The following CTNND2 variants were observed in gnomAD, a reference collection of about 807,000 sequenced individuals.
The protein encoded by CTNND2 is catenin delta 2.
A neutral mutation model predicts 144.4 loss-of-function variants in CTNND2; 22 were observed. That is an observed-to-expected ratio of 0.15 (90% confidence interval 0.11 to 0.22). The LOEUF (loss-of-function observed/expected upper bound fraction) is 0.22, where lower values mean the gene tolerates loss of function less well. Ranked by LOEUF, CTNND2 falls within the 10% of genes least tolerant of loss-of-function variation. The probability of loss-of-function intolerance (pLI) is 1.00; values close to 1 mark genes in which losing one functional copy is unlikely to be tolerated. For missense variants in CTNND2, 1,353 were observed against 1,618.8 expected (o/e 0.84, Z 2.82); for synonymous variants, 751 against 695.6 (o/e 1.08, Z -1.25).
chr5:11,606,655 G>A (rs981541530), intron 2 of CTNND2, among the ~76,000 whole-genome samples: 4 of 152,164 alleles, frequency 2.6e-5, no homozygotes, highest in African/African-American at 9.7e-5. Flanking sequence ...TGAATGAAGA[G>A]GTGAGGGCTG....
rs1250146867 is a variant in CTNND2 at position 11,041,385 on chromosome 5, A to G, written c.2789-18406T>C. 2.0e-5 allele frequency among the ~76,000 whole-genome samples: 3 copies of G among 152,222 alleles called. No individual in the cohort carries two copies. The East Asian group carries it at 5.8e-4, about 29-fold the overall frequency. On this transcript the variant is annotated intron_variant, in intron 16 of 21. Transcript: ENST00000304623. ...AATTTCCAATTTATCTAGAAGACAAATAGAAGTTAAATGGTATGGGAAAGG... is the reference window on the plus strand; with the variant it reads ...AATTTCCAATTTATCTAGAAGACAAGTAGAAGTTAAATGGTATGGGAAAGG...
chr5:11,068,769 T>A (rs1300346050), intron 16 of CTNND2, among the ~76,000 whole-genome samples: 1 of 151,928 alleles, frequency 6.6e-6, no homozygotes, highest in Non-Finnish European at 1.5e-5. Context: ...GTAAACAAAT[T>A]ATCCGGGCGT....
chr5:11,753,399 A>T (rs1021105333), intron 1 of CTNND2, among the ~76,000 whole-genome samples: 3 of 151,778 alleles, frequency 2.0e-5, no homozygotes, highest in African/African-American at 7.2e-5. Flanking sequence ...ATTTAATTTT[A>T]TTAAAAGCCT....
rs1191716110 is a variant in CTNND2 at position 11,072,525 on chromosome 5, T to TA, written c.2788+10170dup. On this transcript the variant is annotated intron_variant, in intron 16 of 21. Coordinates refer to ENST00000304623, the MANE Select transcript of CTNND2 (RefSeq NM_001332.4). ...GTTTCCCAAATGGACAGTATATTGT[T>TA]ACGAACTTTCTGGTTATGAGAGAAA... Among the ~76,000 whole-genome samples the TA allele has an allele frequency of 7.9e-5, 12 of 152,384 alleles. No homozygotes were observed. The South Asian group carries it at 1.4e-3, about 18-fold the overall frequency.
chr5:10,981,725 C>T (rs1737290324), intron 21 of CTNND2, 48 bp downstream of exon 21: 2 of 1,504,012 alleles, frequency 1.3e-6, no homozygotes, highest in East Asian at 2.3e-5. Context: ...GGTTATTTCA[C>T]ATGAGTCACA....
In CTNND2 at chr5:11,904,097, C is replaced by G; in HGVS notation, c.-244G>C. ...CTCCGAGCTCGGCGAGCGCAGCGCCCCCTGCCCGGCTCCGCGGGCTCCACG... is the reference window on the plus strand; with the variant it reads ...CTCCGAGCTCGGCGAGCGCAGCGCCGCCTGCCCGGCTCCGCGGGCTCCACG... On this transcript the variant is annotated 5_prime_UTR_variant, in exon 1 of 22. Transcript: ENST00000304623. The surrounding 1 kb of genome is among the most constrained non-coding windows in gnomAD (Gnocchi z 4.2). The G allele has an allele frequency of 5.7e-6, 1 of 175,086 alleles. No individual in the cohort carries two copies. The highest frequency in any genetic ancestry group is 1.1e-5 in the Non-Finnish European group (1 of 87,430). The allele number at this position is 175,086 out of a possible 1,614,324, so 10.8% of individuals were successfully genotyped here.
intron 11 of CTNND2, among the ~76,000 whole-genome samples, chr5:11,160,628 T>C (rs899424867): frequency 6.6e-6 from 1 of 152,200 alleles, no homozygotes; most frequent in African/African-American, 2.4e-5. Context: ...GAGAATAACA[T>C]TCTATTTTTC....
chr5:11,275,917 A>G (rs150439421), intron 9 of CTNND2, among the ~76,000 whole-genome samples: 2 of 152,352 alleles, frequency 1.3e-5, no homozygotes, highest in East Asian at 3.9e-4. Context: ...TGAATACCTG[A>G]TTTTAATTCC....
intron 3 of CTNND2, among the ~76,000 whole-genome samples, chr5:11,518,335 TTGTG>T (rs1384429874): frequency 6.6e-6 from 1 of 152,204 alleles, no homozygotes; most frequent in Admixed American, 6.5e-5. Flanking sequence ...GCTGTACAAT[TTGTG>T]TTTTAAGCCA....
In CTNND2 at chr5:11,057,284, A is replaced by G. The variant is rs575566173; in HGVS notation, c.2788+25412T>C. ...ATGGTTTGGCTGTGTCCCCACCCAA[A>G]TCTCATCTTGAATTGTAACTCCCAC... is the stretch of plus-strand genomic sequence containing the variant. On this transcript the variant is annotated intron_variant, in intron 16 of 21. Coordinates refer to ENST00000304623, the MANE Select transcript of CTNND2 (RefSeq NM_001332.4). Among the ~76,000 whole-genome samples, 7 of 152,292 alleles carry G rather than the reference A, an allele frequency of 4.6e-5. No homozygotes were observed. The East Asian group carries it at 1.4e-3, about 29-fold the overall frequency.
At chr5:10,981,448 C>T (rs963783007) in intron 21 of CTNND2, among the ~76,000 whole-genome samples, 1 of 152,096 alleles carries the variant, frequency 6.6e-6, no homozygotes, top group Admixed American at 6.5e-5. Context: ...TAGACAATTC[C>T]TGTTTAGTGA....
intron 1 of CTNND2, among the ~76,000 whole-genome samples, chr5:11,869,286 A>C: frequency 6.6e-6 from 1 of 152,246 alleles, no homozygotes; most frequent in Non-Finnish European, 1.5e-5. Context: ...TGTTCACAGC[A>C]GCATTATTCA....
At chr5:11,244,860 G>T (rs923745132) in intron 9 of CTNND2, among the ~76,000 whole-genome samples, 1 of 152,208 alleles carries the variant, frequency 6.6e-6, no homozygotes, top group East Asian at 1.9e-4. Flanking sequence ...ACTAGAAGGT[G>T]CTCCACCCAG....
At chr5:11,624,236 T>C (rs1339811853) in intron 2 of CTNND2, among the ~76,000 whole-genome samples, 1 of 152,028 alleles carries the variant, frequency 6.6e-6, no homozygotes, top group African/African-American at 2.4e-5. Flanking sequence ...TTCTCTCAAT[T>C]TTAGAGATAA....
intron 9 of CTNND2, among the ~76,000 whole-genome samples, chr5:11,312,735 C>A (rs557937812): frequency 2.6e-5 from 1 of 38,124 alleles, no homozygotes; most frequent in East Asian, 5.5e-4. Context: ...AACATTCACA[C>A]CCACCCCGTG....
chr5:11,119,250 A>T (rs1753845582), intron 12 of CTNND2, among the ~76,000 whole-genome samples: 1 of 152,230 alleles, frequency 6.6e-6, no homozygotes, highest in African/African-American at 2.4e-5. Flanking sequence ...GCTACTGAAC[A>T]TGAAGAGTTT....
chr5:11,555,159 G>T (rs544960955), intron 3 of CTNND2, among the ~76,000 whole-genome samples: 41 of 152,102 alleles, frequency 2.7e-4, no homozygotes, highest in Non-Finnish European at 8.8e-5. Context: ...AGTATTAGTT[G>T]CTGTGTGCTG....
intron 9 of CTNND2, among the ~76,000 whole-genome samples, chr5:11,300,132 A>G (rs73743741): frequency 2.0e-3 from 306 of 152,286 alleles, no homozygotes; most frequent in African/African-American, 7.2e-3. Context: ...CCATGACACC[A>G]TCAATCCTGT....
intron 16 of CTNND2, among the ~76,000 whole-genome samples, chr5:11,067,701 A>T (rs1172096912): frequency 6.6e-6 from 1 of 152,232 alleles, no homozygotes; most frequent in Non-Finnish European, 1.5e-5. Context: ...GAGCCTTCCC[A>T]GACCCCTCTA....
Sources: gnomAD v4.1 joint callset for allele counts (sites outside exome capture counted in the v4.1 genomes callset) on GRCh38, gnomAD v4.1.1 for gene constraint, Gnocchi (gnomAD v3.1) non-coding constraint, MANE v1.5 for transcripts, NCBI Gene and HGNC (gene_info 2026-07-23, HGNC 2026-07-21) for gene names.